The following NRXN1 variants were observed in gnomAD, a reference collection of about 807,000 sequenced individuals.
NRXN1 encodes neurexin 1.
In NRXN1, 39 loss-of-function variants were observed where a neutral mutation model predicts 150.9. The observed-to-expected ratio is 0.26, with a 90% CI of 0.20 to 0.34. NRXN1 has a LOEUF of 0.34. Ranked by LOEUF, NRXN1 falls within the 10% of genes least tolerant of loss-of-function variation. The pLI is 1.00. For missense variants in NRXN1, 1,815 were observed against 1,949.9 expected, an observed-to-expected ratio of 0.93 and a Z score of 1.30; for synonymous variants, 924 against 757.0, an observed-to-expected ratio of 1.22 and a Z score of -3.62.
At chr2:50,304,273 A>G (rs374839650) in intron 17 of NRXN1, among the ~76,000 whole-genome samples, 1 of 152,190 alleles carries the variant, frequency 6.6e-6, no homozygotes, top group Non-Finnish European at 1.5e-5. Flanking sequence ...AATTTTTATT[A>G]GAATACAATA....
chr2:50,113,358 C>G (rs575730737), intron 18 of NRXN1, among the ~76,000 whole-genome samples: 28 of 152,290 alleles, frequency 1.8e-4, no homozygotes, highest in African/African-American at 6.7e-4. Context: ...TTTGAGCACT[C>G]CATGTCAAAT....
intron 5 of NRXN1, among the ~76,000 whole-genome samples, chr2:50,784,157 T>G (rs1011391216): frequency 1.3e-5 from 2 of 152,142 alleles, no homozygotes; most frequent in African/African-American, 2.4e-5. Flanking sequence ...GTTTCTTCAA[T>G]AAATATATTA....
intron 18 of NRXN1, among the ~76,000 whole-genome samples, chr2:50,142,030 AT>A (rs1707344911): frequency 6.6e-6 from 1 of 152,106 alleles, no homozygotes; most frequent in Admixed American, 6.6e-5. Context: ...AATATTCACA[AT>A]AGCAAAGACA....
rs796987872 is a variant in NRXN1 at position 49,985,238 on chromosome 2, TTATTAAC to T, written c.4129-41454_4129-41448del. On this transcript the variant is annotated intron_variant, in intron 21 of 22. Coordinates refer to ENST00000401669, the MANE Select transcript of NRXN1 (RefSeq NM_001330078.2). ...AATGGTCAATAAATAGCAGAAATCC[TTATTAAC>T]TATTAAGATGAAGAAGTTACATCTA... 1.7e-4 allele frequency among the ~76,000 whole-genome samples: 26 copies of T among 152,296 alleles called. 1 individual carries two copies. Among genetic ancestry groups the T allele is most frequent in the African/African-American group, 6.0e-4 (25 of 41,564 alleles).
chr2:49,968,653 T>C (rs993593689), intron 21 of NRXN1, among the ~76,000 whole-genome samples: 3 of 152,110 alleles, frequency 2.0e-5, no homozygotes, highest in Admixed American at 2.0e-4. Context: ...TAACTAGTGC[T>C]GCTCAAACAC....
At chr2:50,979,326 C>T in intron 2 of NRXN1, 1 of 512,734 alleles carries the variant, frequency 2.0e-6, no homozygotes, top group Non-Finnish European at 3.9e-6. Flanking sequence ...ACAGCAATTC[C>T]ATCCCTATTC....
At chr2:50,482,551 C>T (rs1354954036) in intron 15 of NRXN1, among the ~76,000 whole-genome samples, 2 of 152,148 alleles carry the variant, frequency 1.3e-5, no homozygotes, top group South Asian at 2.1e-4. Context: ...TATGGATTTG[C>T]AGGGGTTTTC....
At chr2:50,419,655 T>G (rs1443173041) in intron 17 of NRXN1, among the ~76,000 whole-genome samples, 1 of 151,946 alleles carries the variant, frequency 6.6e-6, no homozygotes, top group Non-Finnish European at 1.5e-5. Flanking sequence ...GGCAGGTGGG[T>G]GTATCTTACA....
intron 18 of NRXN1, among the ~76,000 whole-genome samples, chr2:50,181,038 T>A (rs1472041706): frequency 6.6e-6 from 1 of 152,118 alleles, no homozygotes; most frequent in Non-Finnish European, 1.5e-5. Flanking sequence ...ATTTAGTATT[T>A]ATAATTACAA....
At chr2:50,531,970 T>C (rs989213438) in intron 10 of NRXN1, among the ~76,000 whole-genome samples, 1 of 152,040 alleles carries the variant, frequency 6.6e-6, no homozygotes, top group African/African-American at 2.4e-5. Flanking sequence ...CTCAACCTCC[T>C]GAGTAGCTGG....
At chr2:50,565,241 C>T (rs1198930242) in intron 8 of NRXN1, among the ~76,000 whole-genome samples, 3 of 151,540 alleles carry the variant, frequency 2.0e-5, no homozygotes, top group South Asian at 4.1e-4. Flanking sequence ...AGTATGCATA[C>T]ATTTTTGGAT....
chr2:49,975,852 T>G (rs894965829), intron 21 of NRXN1, among the ~76,000 whole-genome samples: 12 of 152,110 alleles, frequency 7.9e-5, no homozygotes, highest in Non-Finnish European at 1.5e-4. Context: ...GGTGAAATAC[T>G]CTTCATCTGT....
intron 8 of NRXN1, among the ~76,000 whole-genome samples, chr2:50,586,305 A>G (rs560483278): frequency 6.6e-6 from 1 of 152,216 alleles, no homozygotes; most frequent in East Asian, 1.9e-4. Flanking sequence ...TATAAAAATA[A>G]TTGCCACCAT....
chr2:50,191,151 C>A (rs982927945), intron 18 of NRXN1, among the ~76,000 whole-genome samples: 1 of 151,646 alleles, frequency 6.6e-6, no homozygotes, highest in Non-Finnish European at 1.5e-5. Flanking sequence ...ACCTCAGCCT[C>A]CTAGGTAGCT....
intron 21 of NRXN1, among the ~76,000 whole-genome samples, chr2:49,999,537 G>GTT (rs1453478065): frequency 6.6e-6 from 1 of 152,058 alleles, no homozygotes; most frequent in Non-Finnish European, 1.5e-5. Flanking sequence ...AAGCTATAAG[G>GTT]TTCTTTCCGT....
At chr2:50,220,701 A>G (rs924596815) in intron 18 of NRXN1, among the ~76,000 whole-genome samples, 1 of 152,046 alleles carries the variant, frequency 6.6e-6, no homozygotes, top group Non-Finnish European at 1.5e-5. Context: ...AAAATATATT[A>G]GCTAGACCGT....
intron 21 of NRXN1, among the ~76,000 whole-genome samples, chr2:49,971,290 A>G (rs1169543924): frequency 6.6e-6 from 1 of 152,170 alleles, no homozygotes; most frequent in Non-Finnish European, 1.5e-5. Flanking sequence ...TTCATAAATT[A>G]AAGAAGCATA....
intron 15 of NRXN1, among the ~76,000 whole-genome samples, chr2:50,485,347 T>A (rs1052426001): frequency 2.6e-5 from 4 of 152,010 alleles, no homozygotes; most frequent in Non-Finnish European, 5.9e-5. Flanking sequence ...GGATCAGAAA[T>A]GGGAAGGAAA....
chr2:50,345,624 A>G (rs1182622440), intron 17 of NRXN1, among the ~76,000 whole-genome samples: 1 of 152,220 alleles, frequency 6.6e-6, no homozygotes, highest in Non-Finnish European at 1.5e-5. Flanking sequence ...ATTTTTGGCA[A>G]TTCGGGGAAT....
Sources: gnomAD v4.1 joint callset for allele counts (sites outside exome capture counted in the v4.1 genomes callset) on GRCh38, gnomAD v4.1.1 for gene constraint, MANE v1.5 for transcripts, NCBI Gene and HGNC (gene_info 2026-07-23, HGNC 2026-07-21) for gene names.